The following ZNF334 variants were observed in gnomAD, a reference collection of about 807,000 sequenced individuals.
The protein encoded by ZNF334 is zinc finger protein 334.
ZNF334 carries 14 observed loss-of-function variants against 12.4 expected under a neutral mutation model. The observed-to-expected ratio is 1.13, with a 90% confidence interval of 0.74 to 1.76. The LOEUF (loss-of-function observed/expected upper bound fraction) is 1.76, where lower values mean the gene tolerates loss of function less well. Among genes scored for constraint, ZNF334 ranks in the 40% most tolerant of loss-of-function variants. ZNF334 has a pLI of 0.00. For missense variants in ZNF334, 797 were observed against 804.5 expected, an observed-to-expected ratio of 0.99 and a Z score of 0.11; for synonymous variants, 273 against 269.6, an observed-to-expected ratio of 1.01 and a Z score of -0.12.
the ZNF334 span, among the ~76,000 whole-genome samples, chr20:46,481,904 C>CCTTA: frequency 6.6e-6 from 1 of 152,154 alleles, no homozygotes; most frequent in Non-Finnish European, 1.5e-5. Context: ...GAATGTGTTA[C>CCTTA]CTTACATGGT....
intron 2 of ZNF334, among the ~76,000 whole-genome samples, chr20:46,507,247 A>AG (rs1216813992): frequency 6.6e-6 from 1 of 152,066 alleles, no homozygotes; most frequent in Non-Finnish European, 1.5e-5. Flanking sequence ...AACAAGGGAA[A>AG]GGGAAGGGGA....
At chr20:46,497,799 T>C (rs1415307350), downstream of ZNF334, among the ~76,000 whole-genome samples, 1 of 152,172 alleles carries the variant, frequency 6.6e-6, no homozygotes. Flanking sequence ...CATTGAAAAA[T>C]AGAAACAATT....
At position 46,504,621 on chromosome 20, in the gene ZNF334, G is replaced by A; in HGVS notation, c.141C>T (p.Val47=). ...CAGGGAAATAGTCCTTACCCACAGA[G>A]ACCAAGTTGCTGTAGTTCTCCAGCA... ...DVMLENYSNL[V]SVGYHVSKPD... Residue 47 remains valine (V), a synonymous_variant, in exon 3 of 5, where the codon GTC becomes GTT. Transcript: ENST00000692313. 6.2e-7 allele frequency: 1 copy of A among 1,600,892 alleles called. No homozygotes were observed. Among genetic ancestry groups the A allele is most frequent in the South Asian group, 1.1e-5 (1 of 88,438 alleles).
chr20:46,508,203 AGAG>A (rs1011154991), intron 2 of ZNF334, among the ~76,000 whole-genome samples: 19 of 152,258 alleles, frequency 1.2e-4, no homozygotes, highest in African/African-American at 4.6e-4. Context: ...CATTCAGAGC[AGAG>A]GAGAGTTCAC....
At position 46,501,910 on chromosome 20, in the gene ZNF334, T is replaced by C. The variant is rs1382057947; in HGVS notation, c.1429A>G (p.Thr477Ala). The change falls in exon 5 of 5, where the codon ACT becomes GCT. Residue 477 changes from threonine (T) to alanine (A), a missense_variant. Thr to Ala is a moderately conservative substitution (Grantham distance 58). Transcript: ENST00000692313. ...CCTGTGTGTGTTCTCTGATGTATAG[T>C]GAGTGTTGACTTATGGCAGAAAAAT... ...GKFFCHKSTL[T>A]IHQRTHTGEK... The C allele has an allele frequency of 4.3e-6, 7 of 1,613,930 alleles. No individual in the cohort carries two copies. The African/African-American group carries it at 9.3e-5, about 22-fold the overall frequency.
At position 46,503,090 on chromosome 20, in the gene ZNF334, ATC is replaced by A; in HGVS notation, c.247_248del (p.Asp83Ter). The A allele has an allele frequency of 6.3e-7, 1 of 1,590,520 alleles. No individual in the cohort carries two copies. The highest frequency in any genetic ancestry group is 1.8e-5 in the Admixed American group (1 of 55,604). On this transcript the variant is annotated frameshift_variant, in exon 5 of 5. Transcript: ENST00000692313. LOFTEE classifies it low-confidence loss of function (END_TRUNC). ...TTTCCTTGTTCTTCTCTAAGGCATCATCAATGTCTAGAAAAAGGAACACAATT... is the reference window on the plus strand; with the variant it reads ...TTTCCTTGTTCTTCTCTAAGGCATCAAATGTCTAGAAAAAGGAACACAATT... ...EFSNQNYPDI[D>X]DALEKNKEIQ...
At chr20:46,499,460 C>T (rs6090508), downstream of ZNF334, among the ~76,000 whole-genome samples, 6,550 of 152,126 alleles carry the variant, frequency 0.043, 378 homozygotes, top group African/African-American at 0.13. Context: ...CTTTATTAAA[C>T]TAGTTTTGAT....
At chr20:46,469,292 T>C in the ZNF334 span, among the ~76,000 whole-genome samples, 1 of 151,848 alleles carries the variant, frequency 6.6e-6, no homozygotes, top group Non-Finnish European at 1.5e-5. Flanking sequence ...ATGAGTTTAT[T>C]AGGACTTACA....
chr20:46,476,312 G>A, the ZNF334 span: 1 of 152,210 alleles, frequency 6.6e-6, no homozygotes, highest in East Asian at 1.9e-4. Flanking sequence ...GATCCTGGAG[G>A]TGATGACAGT....
chr20:46,501,098 G>C lies in ZNF334; in HGVS notation c.*198C>G, dbSNP rs1320042476. The C allele has an allele frequency of 3.3e-6, 2 of 603,830 alleles. No homozygotes were observed. The highest frequency in any genetic ancestry group is 2.7e-5 in the South Asian group (1 of 36,700). The allele number at this position is 603,830 out of a possible 1,614,324, so 37.4% of individuals were successfully genotyped here. On this transcript the variant is annotated 3_prime_UTR_variant, in exon 5 of 5. Transcript: ENST00000692313. Reference sequence around the variant, plus strand: ...GTTGAATATTTTCATAGTTCACAATGAATAATACATTTATTAAACAAATTA... The same window carrying C: ...GTTGAATATTTTCATAGTTCACAATCAATAATACATTTATTAAACAAATTA...
At chr20:46,470,014 C>T in the ZNF334 span, among the ~76,000 whole-genome samples, 1 of 152,110 alleles carries the variant, frequency 6.6e-6, no homozygotes, top group Non-Finnish European at 1.5e-5. Context: ...GGACAAGATT[C>T]ATCCCACTCA....
chr20:46,502,178 G>A lies in ZNF334; in HGVS notation c.1161C>T (p.Phe387=). 6.2e-7 allele frequency: 1 copy of A among 1,613,794 alleles called. No homozygotes were observed. Among genetic ancestry groups the A allele is most frequent in the Non-Finnish European group, 8.5e-7 (1 of 1,179,854 alleles). ...NECKECGKTF[F]CQSALTAHQR... is the part of the protein sequence containing the mutation. ...GATGCGCAGTAAGGGCTGACTGACA[G>A]AAGAAGGTTTTCCCACATTCCTTAC... Residue 387 remains phenylalanine (F), a synonymous_variant, in exon 5 of 5, where the codon TTC becomes TTT. Transcript: ENST00000692313.
chr20:46,503,164 C>T, intron 4 of ZNF334, 67 bp from the exon 5 acceptor site: 1 of 1,488,116 alleles, frequency 6.7e-7, no homozygotes. Flanking sequence ...AATGAGAATT[C>T]CTTAGAAATG....
chr20:46,465,781 C>T, the ZNF334 span, among the ~76,000 whole-genome samples: 121 of 151,980 alleles, frequency 8.0e-4, no homozygotes, highest in African/African-American at 2.8e-3. Flanking sequence ...GGTGAAACCC[C>T]GTCTCCACTA....
chr20:46,490,724 A>G, the ZNF334 span: 1 of 152,130 alleles, frequency 6.6e-6, no homozygotes. Flanking sequence ...CTACCCCTCT[A>G]AAGTCTCCAG....
At chr20:46,506,472 A>G in intron 2 of ZNF334, 1 of 405,768 alleles carries the variant, frequency 2.5e-6, no homozygotes, top group Non-Finnish European at 4.4e-6. Context: ...CAAAAAAATA[A>G]AAAAAAATTA....
At position 46,501,419 on chromosome 20, in the gene ZNF334, C is replaced by T. The variant is rs772964451; in HGVS notation, c.1920G>A (p.Leu640=). ...CNQCGKTYRR[L]WTLTEHQKIH... is the part of the protein sequence containing the mutation. ...TTTTCTGATGTTCAGTGAGAGTCCACAGGCGACGGTAGGTTTTCCCACATT... is the reference window on the plus strand; with the variant it reads ...TTTTCTGATGTTCAGTGAGAGTCCATAGGCGACGGTAGGTTTTCCCACATT... The change falls in exon 5 of 5, where the codon CTG becomes CTA. Residue 640 remains leucine, a synonymous_variant. Transcript: ENST00000692313. 6.2e-7 allele frequency: 1 copy of T among 1,614,122 alleles called. No homozygotes were observed. The highest frequency in any genetic ancestry group is 8.5e-7 in the Non-Finnish European group (1 of 1,180,004).
At chr20:46,474,760 CAA>C in the ZNF334 span, 1 of 152,334 alleles carries the variant, frequency 6.6e-6, no homozygotes, top group Non-Finnish European at 1.5e-5. Context: ...GCTAAACAGA[CAA>C]AGTCTTCAAT....
At chr20:46,478,833 C>T in the ZNF334 span, among the ~76,000 whole-genome samples, 1 of 152,044 alleles carries the variant, frequency 6.6e-6, no homozygotes, top group Non-Finnish European at 1.5e-5. Flanking sequence ...GGCATTTCAC[C>T]CCGTTGGGTC....
Sources: gnomAD v4.1 joint callset for allele counts (sites outside exome capture counted in the v4.1 genomes callset) on GRCh38, gnomAD v4.1.1 for gene constraint, MANE v1.5 for transcripts, NCBI Gene and HGNC (gene_info 2026-07-23, HGNC 2026-07-21) for gene names.